The following OSBP2 variants were observed in gnomAD, a reference collection of about 807,000 sequenced individuals.
The protein encoded by OSBP2 is oxysterol binding protein 2, also known as oxysterol-binding protein 2.
In OSBP2, 66 loss-of-function variants were observed where a neutral mutation model predicts 96.0. The observed-to-expected ratio is 0.69, with a 90% CI of 0.56 to 0.84. The LOEUF (loss-of-function observed/expected upper bound fraction) is 0.84. Ranked by LOEUF, OSBP2 falls within the 40% of genes least tolerant of loss-of-function variation. OSBP2 has a pLI of 0.00. For synonymous variants in OSBP2, 525 were observed against 520.9 expected, an observed-to-expected ratio of 1.01 and a Z score of -0.11; for missense variants, 1,038 against 1,222.7, an observed-to-expected ratio of 0.85 and a Z score of 2.25.
rs1429078435 is a variant in OSBP2, at chr22:30,907,232, C to T, written c.*893C>T. ...CCAGCCTGGGCTGGTGACCTGGGCA[C>T]CAGAGACCTTGCATCCCTCCTCATC... On this transcript the variant is annotated 3_prime_UTR_variant, in exon 14 of 14. Coordinates refer to ENST00000332585, the MANE Select transcript of OSBP2 (RefSeq NM_030758.4). The T allele has an allele frequency of 6.6e-6, 1 of 152,568 alleles. No homozygotes were observed. Among genetic ancestry groups the T allele is most frequent in the Admixed American group, 6.5e-5 (1 of 15,276 alleles). 9.5% of individuals were successfully genotyped at this position (152,568 alleles called of 1,614,324 possible).
chr22:30,831,966 C>T (rs1170283534), intron 2 of OSBP2, among the ~76,000 whole-genome samples: 1 of 152,168 alleles, frequency 6.6e-6, no homozygotes, highest in Non-Finnish European at 1.5e-5. Context: ...CTACTTTGAC[C>T]TCACCCTGAC....
chr22:30,804,475 G>A (rs971074778), intron 2 of OSBP2, among the ~76,000 whole-genome samples: 35 of 152,182 alleles, frequency 2.3e-4, no homozygotes, highest in African/African-American at 8.4e-4. Flanking sequence ...GAAAGAGGAG[G>A]GGGGAAGATA....
Position 30,792,328 on chromosome 22 carries a change from A to AAG in OSBP2, c.853+50959_853+50960insAG, listed in dbSNP as rs1491012711. 9.9e-5 allele frequency among the ~76,000 whole-genome samples: 15 copies of AAG among 152,256 alleles called. No homozygotes were observed. The East Asian group carries it at 2.9e-3, about 29-fold the overall frequency. On this transcript the variant is annotated intron_variant, in intron 2 of 13. Coordinates refer to ENST00000332585, the MANE Select transcript of OSBP2 (RefSeq NM_030758.4). ...ACTCTACTGTCTCAAAAAAAAAAAA[A>AAG]GAATTATCAATCACTATGGTTTGCA...
chr22:30,798,945 C>T (rs1160285859), intron 2 of OSBP2, among the ~76,000 whole-genome samples: 1 of 148,942 alleles, frequency 6.7e-6, no homozygotes, highest in East Asian at 2.0e-4. Flanking sequence ...ACCCAGGAGG[C>T]GGAGGTTTCA....
intron 2 of OSBP2, among the ~76,000 whole-genome samples, chr22:30,754,378 T>A (rs1380075036): frequency 1.3e-5 from 2 of 152,206 alleles, no homozygotes; most frequent in Non-Finnish European, 2.9e-5. Flanking sequence ...AGGCTTTGAT[T>A]GGTGTCCTTG....
At chr22:30,775,798 G>C (rs1417830993) in intron 2 of OSBP2, among the ~76,000 whole-genome samples, 1 of 151,876 alleles carries the variant, frequency 6.6e-6, no homozygotes, top group South Asian at 2.1e-4. Flanking sequence ...TTGGGGGGGA[G>C]GTTGTTTTTT....
At chr22:30,883,808 A>G (rs1264566131) in intron 3 of OSBP2, among the ~76,000 whole-genome samples, 1 of 151,970 alleles carries the variant, frequency 6.6e-6, no homozygotes, top group Admixed American at 6.6e-5. Flanking sequence ...CCGCCCTTAC[A>G]CCCACTGGCA....
intron 2 of OSBP2, among the ~76,000 whole-genome samples, chr22:30,762,758 A>G (rs1228083831): frequency 3.3e-5 from 5 of 152,288 alleles, no homozygotes; most frequent in African/African-American, 4.8e-5. Flanking sequence ...GAGGCCATTC[A>G]GGAAAGCCTT....
intron 2 of OSBP2, among the ~76,000 whole-genome samples, chr22:30,767,171 G>A (rs951773763): frequency 6.0e-5 from 9 of 149,668 alleles, no homozygotes; most frequent in Admixed American, 1.3e-4. Flanking sequence ...TTAGCCGGGC[G>A]TTGTGGCACG....
At position 30,889,533 on chromosome 22, in the gene OSBP2, T is replaced by G; in HGVS notation, c.1520T>G (p.Val507Gly). Residue 507 changes from valine (V) to glycine (G), a missense_variant, in exon 7 of 14, where the codon GTC becomes GGC. By Grantham distance (109) the Val-to-Gly change is moderately radical (BLOSUM62 -3). Coordinates refer to ENST00000332585, the MANE Select transcript of OSBP2 (RefSeq NM_030758.4). ...CTCGTGCCCAAGGGTTCATCCAAAG[T>G]CAAGAGGCGAGTCCGCATTCCCAAC... is the stretch of plus-strand genomic sequence containing the variant. ...ASLVPKGSSKVKRRVRIPNKP... is the reference protein window; with the variant it reads ...ASLVPKGSSKGKRRVRIPNKP... 1 of 1,613,950 alleles carries G rather than the reference T, an allele frequency of 6.2e-7. No individual in the cohort carries two copies. The highest frequency in any genetic ancestry group is 8.5e-7 in the Non-Finnish European group (1 of 1,179,976).
chr22:30,814,972 C>G (rs943444872), intron 2 of OSBP2, among the ~76,000 whole-genome samples: 1 of 152,240 alleles, frequency 6.6e-6, no homozygotes, highest in East Asian at 1.9e-4. Context: ...TCTGGGTGAC[C>G]TGACTGGTGT....
chr22:30,771,062 C>A (rs1192635544), intron 2 of OSBP2, among the ~76,000 whole-genome samples: 3 of 152,228 alleles, frequency 2.0e-5, no homozygotes, highest in Non-Finnish European at 4.4e-5. Flanking sequence ...GTATATATAG[C>A]GAGGAAGCCT....
intron 2 of OSBP2, among the ~76,000 whole-genome samples, chr22:30,806,449 C>G: frequency 6.6e-6 from 1 of 152,186 alleles, no homozygotes; most frequent in East Asian, 1.9e-4. Context: ...ATCATCCTGT[C>G]TCCAGGATGG....
rs1393346687 is a variant in OSBP2 at position 30,695,379 on chromosome 22, A to C, written c.470A>C (p.Gln157Pro). 1 of 1,613,902 alleles carries C rather than the reference A, an allele frequency of 6.2e-7. No homozygotes were observed. Among genetic ancestry groups the C allele is most frequent in the Admixed American group, 1.7e-5 (1 of 60,022 alleles). Reference protein sequence around the residue: ...LKPLPLLRPGQAKTPLGVPMS... With the variant: ...LKPLPLLRPGPAKTPLGVPMS... ...CCCCTGCCTCTTCTGCGACCAGGAC[A>C]GGCGAAGACTCCTCTTGGGGTTCCA... The change falls in exon 1 of 14, where the codon CAG (glutamine) becomes CCG (proline). Residue 157 changes from glutamine to proline, a missense_variant. Around this residue, in one of 3 missense-constraint regions of OSBP2, gnomAD observed 281 missense variants for 273.4 expected, o/e 1.03. Transcript: ENST00000332585.
intron 2 of OSBP2, among the ~76,000 whole-genome samples, chr22:30,826,855 C>T (rs1191202206): frequency 1.3e-5 from 2 of 152,200 alleles, no homozygotes; most frequent in East Asian, 1.9e-4. Flanking sequence ...CCCTGGTGCA[C>T]TGGGACTCCC....
intron 2 of OSBP2, among the ~76,000 whole-genome samples, chr22:30,837,305 T>C (rs2038656068): frequency 6.6e-6 from 1 of 151,206 alleles, no homozygotes; most frequent in South Asian, 2.1e-4. Flanking sequence ...ATAACCCTAA[T>C]GGACCTTGGC....
At chr22:30,744,953 G>T (rs1256302054) in intron 2 of OSBP2, among the ~76,000 whole-genome samples, 1 of 152,158 alleles carries the variant, frequency 6.6e-6, no homozygotes, top group Non-Finnish European at 1.5e-5. Flanking sequence ...ATTTAAAAAA[G>T]ATTGAGACTA....
At position 30,881,115 on chromosome 22, in the gene OSBP2, C is replaced by T. The variant is rs892086260; in HGVS notation, c.1108-6311C>T. Among the ~76,000 whole-genome samples the T allele has an allele frequency of 1.3e-5, 2 of 152,182 alleles. No individual in the cohort carries two copies. Among genetic ancestry groups the T allele is most frequent in the South Asian group, 2.1e-4 (1 of 4,834 alleles). On this transcript the variant is annotated intron_variant, in intron 3 of 13. Transcript: ENST00000332585. The surrounding 1 kb of genome is among the most constrained non-coding windows in gnomAD (Gnocchi z 4.5). Reference sequence around the variant, plus strand: ...CCCTCCCCATGGAGACAGGACCACACTGCCCAGGGGCTCTGCACCCCAGGC... The same window carrying T: ...CCCTCCCCATGGAGACAGGACCACATTGCCCAGGGGCTCTGCACCCCAGGC...
chr22:30,771,301 A>G (rs2090344654), intron 2 of OSBP2, among the ~76,000 whole-genome samples: 1 of 152,224 alleles, frequency 6.6e-6, no homozygotes, highest in Non-Finnish European at 1.5e-5. Flanking sequence ...CAGGCATGAC[A>G]ACCATAGATT....
Sources: allele counts gnomAD v4.1 joint callset (sites outside exome capture counted in the v4.1 genomes callset), GRCh38; gene constraint gnomAD v4.1.1; regional missense constraint gnomAD v4.1.1; non-coding constraint Gnocchi (gnomAD v3.1); transcripts MANE v1.5; gene names NCBI Gene and HGNC (gene_info 2026-07-23, HGNC 2026-07-21).